PTPRD: variants seen among roughly 807,000 people sequenced by gnomAD.
PTPRD encodes the protein protein tyrosine phosphatase receptor type D, also known as receptor-type tyrosine-protein phosphatase delta.
A neutral mutation model predicts 214.5 loss-of-function variants in PTPRD; 34 were observed. That is an observed-to-expected ratio of 0.16 (90% CI 0.12 to 0.21). PTPRD has a LOEUF of 0.21. Ranked by LOEUF, PTPRD falls within the 10% of genes least tolerant of loss-of-function variation. The probability of loss-of-function intolerance (pLI) is 1.00; values close to 1 mark genes in which losing one functional copy is unlikely to be tolerated. For synonymous variants in PTPRD, 1,128 were observed against 845.7 expected, an observed-to-expected ratio of 1.33 and a Z score of -5.79; for missense variants, 2,545 against 2,398.7, an observed-to-expected ratio of 1.06 and a Z score of -1.27.
intron 2 of PTPRD, among the ~76,000 whole-genome samples, chr9:10,430,139 G>A (rs139844405): frequency 6.2e-4 from 94 of 151,958 alleles, no homozygotes; most frequent in African/African-American, 1.9e-3. Context: ...CCCTCCATAA[G>A]GGAGATGATA....
At chr9:9,274,298 C>T (rs1944117091) in intron 9 of PTPRD, among the ~76,000 whole-genome samples, 1 of 151,258 alleles carries the variant, frequency 6.6e-6, no homozygotes, top group Admixed American at 6.6e-5. Context: ...TACTTATATG[C>T]TTTACGCTTA....
intron 2 of PTPRD, among the ~76,000 whole-genome samples, chr9:10,370,684 A>G (rs907480824): frequency 6.6e-6 from 1 of 152,092 alleles, no homozygotes; most frequent in African/African-American, 2.4e-5. Flanking sequence ...ACCATGCTTA[A>G]TATTTCATAA....
chr9:9,289,155 G>A (rs1950387139), intron 9 of PTPRD, among the ~76,000 whole-genome samples: 1 of 151,658 alleles, frequency 6.6e-6, no homozygotes, highest in African/African-American at 2.4e-5. Context: ...AAATACAAAT[G>A]AAATTTTAAT....
chr9:9,322,504 G>A (rs1267296832), intron 9 of PTPRD, among the ~76,000 whole-genome samples: 1 of 152,092 alleles, frequency 6.6e-6, no homozygotes, highest in Non-Finnish European at 1.5e-5. Context: ...ACTATACCAT[G>A]CTACTTCTCA....
At chr9:8,531,968 A>C (rs1320668028) in intron 14 of PTPRD, among the ~76,000 whole-genome samples, 1 of 152,060 alleles carries the variant, frequency 6.6e-6, no homozygotes, top group Non-Finnish European at 1.5e-5. Context: ...CTGGCTCATA[A>C]AGAACACTCC....
At chr9:9,697,535 A>G (rs2097402284) in intron 7 of PTPRD, among the ~76,000 whole-genome samples, 1 of 152,004 alleles carries the variant, frequency 6.6e-6, no homozygotes, top group South Asian at 2.1e-4. Flanking sequence ...ATATTTTCTA[A>G]TAAGAAGTCT....
At chr9:8,424,355 C>G (rs970033344) in intron 35 of PTPRD, among the ~76,000 whole-genome samples, 4 of 152,078 alleles carry the variant, frequency 2.6e-5, no homozygotes, top group African/African-American at 9.7e-5. Flanking sequence ...GGGTTCATAT[C>G]CTAGCTTTGC....
At chr9:9,100,885 T>G (rs1335350523) in intron 10 of PTPRD, among the ~76,000 whole-genome samples, 1 of 152,142 alleles carries the variant, frequency 6.6e-6, no homozygotes. Flanking sequence ...ATTCATACTG[T>G]GTGTATAATC....
At chr9:10,010,031 A>C (rs942657352) in intron 4 of PTPRD, among the ~76,000 whole-genome samples, 1 of 151,852 alleles carries the variant, frequency 6.6e-6, no homozygotes, top group Admixed American at 6.6e-5. Context: ...GGCCGAGAGG[A>C]GGGGTCCATT....
intron 9 of PTPRD, among the ~76,000 whole-genome samples, chr9:9,359,144 T>C (rs568874370): frequency 1.3e-5 from 2 of 151,442 alleles, no homozygotes; most frequent in South Asian, 2.1e-4. Context: ...AACTTTTCCT[T>C]CATTGTATGA....
chr9:9,432,587 G>C (rs1022995727), intron 8 of PTPRD, among the ~76,000 whole-genome samples: 4 of 152,014 alleles, frequency 2.6e-5, no homozygotes, highest in African/African-American at 9.7e-5. Flanking sequence ...TTATTCTTTT[G>C]AATCACATTG....
Position 9,939,090 on chromosome 9 carries a change from C to T in PTPRD, c.-471-480G>A, listed in dbSNP as rs925733869. Among the ~76,000 whole-genome samples, 4 of 151,548 alleles carry T rather than the reference C, an allele frequency of 2.6e-5. 1 individual carries two copies. The highest frequency in any genetic ancestry group is 4.2e-4 in the South Asian group (2 of 4,810). ...TAATGCAATTGCATTAGTTTTATGCCTATGCTCTTTTGTATTTCTCAACTT... is the reference window on the plus strand; with the variant it reads ...TAATGCAATTGCATTAGTTTTATGCTTATGCTCTTTTGTATTTCTCAACTT... On this transcript the variant is annotated intron_variant, in intron 4 of 45. Transcript: ENST00000381196.
intron 11 of PTPRD, among the ~76,000 whole-genome samples, chr9:8,933,340 GTTTTTTT>G (rs71317383): frequency 2.1e-4 from 17 of 80,440 alleles, no homozygotes; most frequent in South Asian, 2.1e-3. Context: ...CAACCTTGAG[GTTTTTTT>G]TTTTTTTTTT....
At chr9:8,711,791 T>C (rs574554152) in intron 12 of PTPRD, among the ~76,000 whole-genome samples, 2 of 152,370 alleles carry the variant, frequency 1.3e-5, no homozygotes, top group East Asian at 1.9e-4. Context: ...TAAATGTTTA[T>C]TGTAGCTTCA....
chr9:8,460,210 T>A (rs953603526), intron 33 of PTPRD: 3 of 675,468 alleles, frequency 4.4e-6, no homozygotes, highest in African/African-American at 3.6e-5. Context: ...CAGAAGTCTA[T>A]ACCAAAACTG....
intron 8 of PTPRD, chr9:9,414,873 A>G (rs2076539966): frequency 6.6e-6 from 1 of 152,214 alleles, no homozygotes; most frequent in Non-Finnish European, 1.5e-5. Context: ...ATAGAAACAC[A>G]TAAAATTTAA....
At chr9:8,964,957 T>C (rs2099183931) in intron 11 of PTPRD, among the ~76,000 whole-genome samples, 1 of 152,134 alleles carries the variant, frequency 6.6e-6, no homozygotes, top group South Asian at 2.1e-4. Flanking sequence ...GAGACTTGCT[T>C]TATGACCAAG....
intron 5 of PTPRD, among the ~76,000 whole-genome samples, chr9:9,834,032 T>C (rs1015650610): frequency 2.0e-5 from 3 of 152,036 alleles, no homozygotes; most frequent in Middle Eastern, 3.2e-3. Context: ...GCATAGGAAA[T>C]CACAAGGTTA....
chr9:9,751,878 T>C (rs1461603333), intron 6 of PTPRD, among the ~76,000 whole-genome samples: 3 of 152,114 alleles, frequency 2.0e-5, no homozygotes, highest in Non-Finnish European at 4.4e-5. Flanking sequence ...TTGTGAGGTT[T>C]AAATAAAGTG....
Sources: gnomAD v4.1 joint callset for allele counts (sites outside exome capture counted in the v4.1 genomes callset) on GRCh38, gnomAD v4.1.1 for gene constraint, MANE v1.5 for transcripts, NCBI Gene and HGNC (gene_info 2026-07-23, HGNC 2026-07-21) for gene names.